The following SLC38A12 variants were observed in gnomAD, a reference collection of about 807,000 sequenced individuals.
SLC38A12 encodes solute carrier family 38 member 12.
chr17:74,809,645 G>T, the SLC38A12 span, among the ~76,000 whole-genome samples: 1 of 152,100 alleles, frequency 6.6e-6, no homozygotes, highest in Non-Finnish European at 1.5e-5. Flanking sequence ...GGCTAACATC[G>T]CATCCTGGGA....
At chr17:74,787,407 G>A in the SLC38A12 span, among the ~76,000 whole-genome samples, 1 of 150,676 alleles carries the variant, frequency 6.6e-6, no homozygotes, top group Non-Finnish European at 1.5e-5. Context: ...TGGATCATGA[G>A]GTCAGGAGAT....
the SLC38A12 span, among the ~76,000 whole-genome samples, chr17:74,797,553 T>G: frequency 2.0e-5 from 3 of 152,184 alleles, no homozygotes; most frequent in African/African-American, 4.8e-5. Context: ...GCATGGGCTC[T>G]TCTACCCAGT....
chr17:74,825,569 G>A, the SLC38A12 span, among the ~76,000 whole-genome samples: 1 of 152,208 alleles, frequency 6.6e-6, no homozygotes, highest in Admixed American at 6.5e-5. Context: ...AGCAAAGGGT[G>A]TTGCCCTTGC....
chr17:74,839,396 C>T, the SLC38A12 span: 14 of 392,182 alleles, frequency 3.6e-5, no homozygotes, highest in East Asian at 6.7e-4. Flanking sequence ...AGTGCCAGGC[C>T]TGGGGGAAGT....
At chr17:74,820,188 G>C in the SLC38A12 span, among the ~76,000 whole-genome samples, 1 of 152,236 alleles carries the variant, frequency 6.6e-6, no homozygotes, top group Non-Finnish European at 1.5e-5. Context: ...GCTGGCAGGG[G>C]GGCTCCCAAA....
the SLC38A12 span, among the ~76,000 whole-genome samples, chr17:74,788,279 G>A: frequency 6.6e-6 from 1 of 152,202 alleles, no homozygotes; most frequent in African/African-American, 2.4e-5. Flanking sequence ...GATGGATTCC[G>A]GAGCCAAGTA....
At chr17:74,793,376 C>G in the SLC38A12 span, among the ~76,000 whole-genome samples, 1 of 152,138 alleles carries the variant, frequency 6.6e-6, no homozygotes, top group Non-Finnish European at 1.5e-5. Flanking sequence ...CAAAATCACC[C>G]CAGCTGAAAA....
the SLC38A12 span, among the ~76,000 whole-genome samples, chr17:74,798,660 C>T: frequency 3.3e-5 from 5 of 152,334 alleles, no homozygotes; most frequent in South Asian, 2.1e-4. Flanking sequence ...CTGGAGCCAG[C>T]GGTGACCTCA....
At chr17:74,832,006 G>A in the SLC38A12 span, among the ~76,000 whole-genome samples, 9 of 152,202 alleles carry the variant, frequency 5.9e-5, no homozygotes, top group East Asian at 1.9e-4. Context: ...GGGATGTGGC[G>A]ATCAATCTAG....
chr17:74,822,919 C>CT, the SLC38A12 span, among the ~76,000 whole-genome samples: 16 of 152,342 alleles, frequency 1.1e-4, no homozygotes, highest in African/African-American at 3.8e-4. Context: ...CTGGCAGCCC[C>CT]TTTTGGGGGA....
At chr17:74,813,168 C>T in the SLC38A12 span, among the ~76,000 whole-genome samples, 10 of 152,266 alleles carry the variant, frequency 6.6e-5, no homozygotes, top group Non-Finnish European at 1.3e-4. Flanking sequence ...ACAAAAGCGT[C>T]GCCTGCGTGC....
At chr17:74,835,086 C>G in the SLC38A12 span, among the ~76,000 whole-genome samples, 4 of 152,218 alleles carry the variant, frequency 2.6e-5, no homozygotes, top group Admixed American at 1.3e-4. Flanking sequence ...CGAACTGAAG[C>G]CAGCCTGGTC....
At chr17:74,837,378 G>A in the SLC38A12 span, 1 of 985,540 alleles carries the variant, frequency 1.0e-6, no homozygotes, top group East Asian at 1.1e-4. Context: ...CCCTTCTACA[G>A]GGACACAGCC....
chr17:74,786,948 C>T, the SLC38A12 span, among the ~76,000 whole-genome samples: 1 of 152,294 alleles, frequency 6.6e-6, no homozygotes, highest in Non-Finnish European at 1.5e-5. Context: ...CCACACCCCG[C>T]TCCTTGCTCA....
chr17:74,809,023 G>A, the SLC38A12 span, among the ~76,000 whole-genome samples: 11 of 152,192 alleles, frequency 7.2e-5, no homozygotes, highest in Non-Finnish European at 8.8e-5. Context: ...AGTTTCTGAC[G>A]TTCCTTTTTC....
the SLC38A12 span, among the ~76,000 whole-genome samples, chr17:74,830,893 C>G: frequency 6.6e-6 from 1 of 152,228 alleles, no homozygotes; most frequent in Non-Finnish European, 1.5e-5. Flanking sequence ...GCGTGTGGAG[C>G]TGAGATCCAC....
At chr17:74,828,701 A>G in the SLC38A12 span, among the ~76,000 whole-genome samples, 1 of 152,188 alleles carries the variant, frequency 6.6e-6, no homozygotes, top group Non-Finnish European at 1.5e-5. Context: ...CCTGGGGGTC[A>G]CAGCCCGGGG....
chr17:74,798,330 G>T, the SLC38A12 span, among the ~76,000 whole-genome samples: 1 of 152,204 alleles, frequency 6.6e-6, no homozygotes, highest in Non-Finnish European at 1.5e-5. Context: ...CACACGGTGA[G>T]AATCCTTGCT....
At chr17:74,818,555 C>T in the SLC38A12 span, among the ~76,000 whole-genome samples, 1 of 152,196 alleles carries the variant, frequency 6.6e-6, no homozygotes, top group Non-Finnish European at 1.5e-5. Flanking sequence ...GCTCCTCCTT[C>T]TGCGGGGCTC....
Sources: allele counts gnomAD v4.1 joint callset (sites outside exome capture counted in the v4.1 genomes callset), GRCh38; gene constraint gnomAD v4.1.1; transcripts MANE v1.5; gene names NCBI Gene and HGNC (gene_info 2026-07-23, HGNC 2026-07-21).